The following HDLBP variants were observed in gnomAD, a reference collection of about 807,000 sequenced individuals.
The protein encoded by HDLBP is vigilin.
A neutral mutation model predicts 137.3 loss-of-function variants in HDLBP; 30 were observed. The ratio of observed to expected loss-of-function variants is 0.22; its 90% CI spans 0.16 to 0.30. HDLBP has a LOEUF of 0.30. HDLBP is among the 10% of genes least tolerant of loss of function. The pLI, the probability that HDLBP is intolerant of heterozygous loss-of-function variation, is 1.00. For missense variants in HDLBP, 1,119 were observed against 1,667.3 expected, an observed-to-expected ratio of 0.67 and a Z score of 5.73; for synonymous variants, 606 against 596.0, an observed-to-expected ratio of 1.02 and a Z score of -0.24.
intron 1 of HDLBP, among the ~76,000 whole-genome samples, chr2:241,304,182 C>T (rs1386438340): frequency 6.6e-6 from 1 of 152,216 alleles, no homozygotes; most frequent in Non-Finnish European, 1.5e-5. Context: ...GTTCATCCCT[C>T]AAAATACGTA....
intron 1 of HDLBP, among the ~76,000 whole-genome samples, chr2:241,291,326 C>CA (rs2075007119): frequency 6.6e-6 from 1 of 152,082 alleles, no homozygotes; most frequent in Non-Finnish European, 1.5e-5. Context: ...GGACGAGGTA[C>CA]AACACCCTCC....
chr2:241,279,430 G>A (rs752758161), intron 1 of HDLBP, among the ~76,000 whole-genome samples: 1 of 152,134 alleles, frequency 6.6e-6, no homozygotes, highest in Non-Finnish European at 1.5e-5. Flanking sequence ...CAAGGACCAA[G>A]AACAGCTAAT....
chr2:241,296,197 G>C (rs987764717), intron 1 of HDLBP, among the ~76,000 whole-genome samples: 2 of 151,518 alleles, frequency 1.3e-5, no homozygotes, highest in African/African-American at 4.9e-5. Flanking sequence ...CTAAGAAAGA[G>C]GCACTTGATG....
intron 1 of HDLBP, chr2:241,273,489 A>G: frequency 1.5e-6 from 1 of 658,980 alleles, no homozygotes; most frequent in Non-Finnish European, 1.9e-6. Flanking sequence ...GGCGGAACGG[A>G]ATCCCTACTC....
In HDLBP at chr2:241,229,577, A is replaced by G; in HGVS notation, c.*24T>C. The G allele has an allele frequency of 6.4e-7, 1 of 1,574,754 alleles. No individual in the cohort carries two copies. The highest frequency in any genetic ancestry group is 8.7e-7 in the Non-Finnish European group (1 of 1,145,356). On this transcript the variant is annotated 3_prime_UTR_variant, in exon 28 of 28. Transcript: ENST00000310931. The stretch of plus-strand genomic sequence containing the variant: ...GGTTGGGTTTGGGTCAGCAGGCTGG[A>G]GAGGGTTCTGTTCTTTTTGATCATT...
At chr2:241,232,796 A>G (rs1299777879) in intron 24 of HDLBP, among the ~76,000 whole-genome samples, 2 of 152,086 alleles carry the variant, frequency 1.3e-5, no homozygotes, top group African/African-American at 4.8e-5. Flanking sequence ...CTGGGGCAAC[A>G]AGACAAAGAC....
At chr2:241,290,593 A>G (rs906263571) in intron 1 of HDLBP, among the ~76,000 whole-genome samples, 1 of 150,012 alleles carries the variant, frequency 6.7e-6, no homozygotes, top group African/African-American at 2.4e-5. Context: ...CTGGGCAACA[A>G]GAACAAAACT....
At chr2:241,245,187 CTT>C (rs72269646) in intron 16 of HDLBP, among the ~76,000 whole-genome samples, 25 of 143,124 alleles carry the variant, frequency 1.7e-4, no homozygotes, top group Admixed American at 1.4e-4. Context: ...AATCTTTTTT[CTT>C]TTTTTTTTTT....
intron 1 of HDLBP, among the ~76,000 whole-genome samples, chr2:241,277,975 A>C (rs374695734): frequency 1.0e-3 from 153 of 152,236 alleles, no homozygotes; most frequent in African/African-American, 3.5e-3. Flanking sequence ...AAAAACCAAA[A>C]AACAACAACA....
At chr2:241,303,541 GTC>G (rs1559557113) in intron 1 of HDLBP, among the ~76,000 whole-genome samples, 1 of 152,162 alleles carries the variant, frequency 6.6e-6, no homozygotes, top group Non-Finnish European at 1.5e-5. Flanking sequence ...ACTGAGCTTG[GTC>G]ACAGAAGGCA....
chr2:241,235,643 G>C, intron 21 of HDLBP, 49 bp from the exon 22 acceptor site: 1 of 1,342,540 alleles, frequency 7.4e-7, no homozygotes, highest in Non-Finnish European at 1.1e-6. Context: ...AGAGCAGAGT[G>C]ACGTTGTAAG....
chr2:241,239,327 G>C lies in HDLBP; in HGVS notation c.2610+275C>G, dbSNP rs1454394314. 1.3e-5 allele frequency among the ~76,000 whole-genome samples: 2 copies of C among 150,420 alleles called. No homozygotes were observed. The highest frequency in any genetic ancestry group is 4.9e-5 in the African/African-American group (2 of 40,840). On this transcript the variant is annotated intron_variant, in intron 19 of 27. Transcript: ENST00000310931. This position sits in a 1 kb window ranked among gnomAD's most constrained non-coding sequence, Gnocchi z 4.6. ...AGAATGCATTTTCTTTCTTTCTCTTGCTTTCTTTCCTCTCTCTCTCTCCCC... is the reference window on the plus strand; with the variant it reads ...AGAATGCATTTTCTTTCTTTCTCTTCCTTTCTTTCCTCTCTCTCTCTCCCC...
chr2:241,269,889 C>T (rs1347543087), intron 1 of HDLBP, among the ~76,000 whole-genome samples: 1 of 152,104 alleles, frequency 6.6e-6, no homozygotes, highest in Non-Finnish European at 1.5e-5. Flanking sequence ...ACCCTCCGCC[C>T]TCCCACGCTT....
chr2:241,235,635 A>G (rs767025644), intron 21 of HDLBP, 41 bp from the exon 22 acceptor site: 1 of 1,427,354 alleles, frequency 7.0e-7, no homozygotes, highest in East Asian at 2.3e-5. Flanking sequence ...GGGAGCTGAG[A>G]GCAGAGTGAC....
intron 1 of HDLBP, among the ~76,000 whole-genome samples, chr2:241,290,558 C>T (rs1429917159): frequency 2.0e-5 from 3 of 151,582 alleles, no homozygotes; most frequent in Non-Finnish European, 2.9e-5. Context: ...TGTGGTGAGC[C>T]GAGATCGCGC....
intron 1 of HDLBP, among the ~76,000 whole-genome samples, chr2:241,283,599 C>T (rs1030796199): frequency 5.9e-5 from 9 of 151,998 alleles, no homozygotes; most frequent in African/African-American, 1.7e-4. Flanking sequence ...CTCAGCCTCC[C>T]GAGTAGCTGG....
chr2:241,268,644 G>A (rs1258072359), intron 1 of HDLBP, 103 bp from the exon 2 acceptor site: 5 of 303,840 alleles, frequency 1.6e-5, no homozygotes, highest in African/African-American at 1.1e-4. Context: ...ATCAGAAAAG[G>A]TCAAGATATT....
chr2:241,274,851 G>T (rs1360837517), intron 1 of HDLBP, among the ~76,000 whole-genome samples: 2 of 152,172 alleles, frequency 1.3e-5, no homozygotes, highest in South Asian at 4.1e-4. Context: ...ACGTCTGTCT[G>T]TGACATTTGA....
At chr2:241,264,418 A>C (rs776910975) in intron 4 of HDLBP, 30 bp downstream of exon 4, 11 of 1,530,720 alleles carry the variant, frequency 7.2e-6, no homozygotes, top group South Asian at 1.2e-5. Context: ...TACATGATAA[A>C]ATTTTTAAAA....
Sources: allele counts gnomAD v4.1 joint callset (sites outside exome capture counted in the v4.1 genomes callset), GRCh38; gene constraint gnomAD v4.1.1; non-coding constraint Gnocchi (gnomAD v3.1); transcripts MANE v1.5; gene names NCBI Gene and HGNC (gene_info 2026-07-23, HGNC 2026-07-21).